The following SP3 variants were observed in gnomAD, a reference collection of about 807,000 sequenced individuals.
SP3 encodes the protein Sp3 transcription factor.
A neutral mutation model predicts 70.3 loss-of-function variants in SP3; 10 were observed. That is an observed-to-expected ratio of 0.14 (90% CI 0.09 to 0.24). The LOEUF (loss-of-function observed/expected upper bound fraction) is 0.24, where lower values mean the gene tolerates loss of function less well. SP3 is among the 10% of genes least tolerant of loss of function. The pLI, the probability that SP3 is intolerant of heterozygous loss-of-function variation, is 1.00. For synonymous variants in SP3, 402 were observed against 333.5 expected (o/e 1.21, Z -2.24); for missense variants, 825 against 914.6 (o/e 0.90, Z 1.26).
At position 173,903,887 on chromosome 2, in the gene SP3, G is replaced by A. The variant is rs1005322057; in HGVS notation, c.*6054C>T. The stretch of plus-strand genomic sequence containing the variant: ...TGCCTTGTCTAAACCTGACTCACTT[G>A]GCAGGCAATAAACGTGACTTTTTGT... On this transcript the variant is annotated 3_prime_UTR_variant, in exon 7 of 7. Transcript: ENST00000310015. 6.6e-5 allele frequency among the ~76,000 whole-genome samples: 10 copies of A among 151,958 alleles called. No homozygotes were observed. Among genetic ancestry groups the A allele is most frequent in the African/African-American group, 2.4e-4 (10 of 41,368 alleles).
intron 4 of SP3, among the ~76,000 whole-genome samples, chr2:173,927,137 C>T (rs1287342354): frequency 6.6e-6 from 1 of 152,138 alleles, no homozygotes; most frequent in Non-Finnish European, 1.5e-5. Context: ...ACCAAGACAA[C>T]ACCAAGGAGG....
chr2:173,965,453 G>C (rs1156267942), upstream of SP3: 1 of 411,642 alleles, frequency 2.4e-6, no homozygotes, highest in African/African-American at 2.1e-5. Flanking sequence ...ATTGGTCCAG[G>C]CGCCTGTCCG....
chr2:173,921,817 C>T (rs1689762244), intron 4 of SP3, among the ~76,000 whole-genome samples: 1 of 152,164 alleles, frequency 6.6e-6, no homozygotes, highest in African/African-American at 2.4e-5. Context: ...GGGCGGATTT[C>T]TCATAAATGG....
At chr2:173,963,493 C>G (rs1430857245) in intron 3 of SP3, 1 of 153,656 alleles carries the variant, frequency 6.5e-6, no homozygotes, top group Non-Finnish European at 1.4e-5. Context: ...CTCAAACATC[C>G]ATTTTGGAGT....
At chr2:173,937,796 G>T (rs1690248227) in intron 4 of SP3, among the ~76,000 whole-genome samples, 1 of 151,920 alleles carries the variant, frequency 6.6e-6, no homozygotes, top group African/African-American at 2.4e-5. Context: ...CAAACTCTGG[G>T]ACAATTCTAT....
At chr2:173,920,507 G>C (rs1689722443) in intron 4 of SP3, among the ~76,000 whole-genome samples, 1 of 152,128 alleles carries the variant, frequency 6.6e-6, no homozygotes, top group Admixed American at 6.5e-5. Context: ...TGTTGACATA[G>C]GGAAGGGTAT....
At chr2:173,923,069 T>G (rs1689803579) in intron 4 of SP3, among the ~76,000 whole-genome samples, 1 of 152,182 alleles carries the variant, frequency 6.6e-6, no homozygotes, top group South Asian at 2.1e-4. Flanking sequence ...AGGAAAAGTA[T>G]GCAAAAAATT....
rs62172766 is a variant in SP3, at chr2:173,905,692, T to C, written c.*4249A>G. 6.6e-6 allele frequency among the ~76,000 whole-genome samples: 1 copy of C among 151,586 alleles called. No homozygotes were observed. The highest frequency in any genetic ancestry group is 1.5e-5 in the Non-Finnish European group (1 of 67,922). Reference sequence around the variant, plus strand: ...GCCAACATGGGAAAAAAAAAAACCTTGTATACCCTTTAGACTCCAGATTTG... The same window carrying C: ...GCCAACATGGGAAAAAAAAAAACCTCGTATACCCTTTAGACTCCAGATTTG... On this transcript the variant is annotated 3_prime_UTR_variant, in exon 7 of 7. Coordinates refer to ENST00000310015, the MANE Select transcript of SP3 (RefSeq NM_003111.5).
intron 4 of SP3, among the ~76,000 whole-genome samples, chr2:173,943,146 G>A (rs958638775): frequency 6.6e-6 from 1 of 152,112 alleles, no homozygotes; most frequent in African/African-American, 2.4e-5. Context: ...ACCTGCTGGC[G>A]TGATCTTTTA....
rs780450896 is a variant in SP3, at chr2:173,954,999, C to A, written c.1513G>T (p.Ala505Ser). 2.2e-5 allele frequency: 35 copies of A among 1,614,146 alleles called. No individual in the cohort carries two copies. The highest frequency in any genetic ancestry group is 1.8e-4 in the East Asian group (8 of 44,884). Residue 505 changes from alanine to serine, a missense_variant, in exon 4 of 7, where the codon GCC becomes TCC. By Grantham distance (99) the Ala-to-Ser change is moderately conservative. Coordinates refer to ENST00000310015, the MANE Select transcript of SP3 (RefSeq NM_003111.5). ...LTLGQVAAGG[A>S]FTSTPVSLST... is the part of the protein sequence containing the mutation. The stretch of plus-strand genomic sequence containing the variant: ...AGACTAACTGGAGTTGAAGTGAAGG[C>A]TCCACCTGCCGCAACTTGACCAAGT...
Position 173,900,827 on chromosome 2 carries a change from T to C in SP3, c.*9114A>G, listed in dbSNP as rs1050145262. Among the ~76,000 whole-genome samples, 1 of 152,214 alleles carries C rather than the reference T, an allele frequency of 6.6e-6. No homozygotes were observed. Among genetic ancestry groups the C allele is most frequent in the Non-Finnish European group, 1.5e-5 (1 of 68,028 alleles). ...AAAAACCATTAAAGACTTGAATTAA[T>C]GGAGAGATACAGAATTATCATGGAT... is the stretch of plus-strand genomic sequence containing the variant. On this transcript the variant is annotated 3_prime_UTR_variant, in exon 7 of 7. Transcript: ENST00000310015.
chr2:173,911,224 T>G (rs72911135), intron 6 of SP3, among the ~76,000 whole-genome samples: 10,810 of 152,144 alleles, frequency 0.071, 576 homozygotes, highest in African/African-American at 0.14. Flanking sequence ...AAGATTATAT[T>G]AAGTGATATG....
intron 4 of SP3, among the ~76,000 whole-genome samples, chr2:173,933,093 G>A (rs1296068513): frequency 6.6e-6 from 1 of 152,126 alleles, no homozygotes; most frequent in Non-Finnish European, 1.5e-5. Context: ...ATGGAAAAAT[G>A]GGGTCAACAG....
chr2:173,947,664 G>A (rs551810873), intron 4 of SP3, among the ~76,000 whole-genome samples: 30 of 152,228 alleles, frequency 2.0e-4, no homozygotes, highest in African/African-American at 6.7e-4. Flanking sequence ...TCAACAGAAT[G>A]TTTTGTTTTC....
intron 4 of SP3, among the ~76,000 whole-genome samples, chr2:173,919,430 C>T (rs1383061872): frequency 6.6e-6 from 1 of 152,158 alleles, no homozygotes; most frequent in African/African-American, 2.4e-5. Context: ...GTACCAGGCA[C>T]TTAAGTTTAC....
rs1455326386 is a variant in SP3 at position 173,907,627 on chromosome 2, T to C, written c.*2314A>G. 2 of 152,114 alleles carry C rather than the reference T, an allele frequency of 1.3e-5. No homozygotes were observed. The highest frequency in any genetic ancestry group is 2.4e-5 in the African/African-American group (1 of 41,438). 9.4% of individuals were successfully genotyped at this position (152,114 alleles called of 1,614,324 possible). A position where few individuals can be genotyped will look rare whatever the true frequency, so the allele number is the denominator to read the frequency against. Reference sequence around the variant, plus strand: ...GTACACCATAAACTTACTGTAAAAATCCAGTATTACTTAAAACATCTCTAC... The same window carrying C: ...GTACACCATAAACTTACTGTAAAAACCCAGTATTACTTAAAACATCTCTAC... On this transcript the variant is annotated 3_prime_UTR_variant, in exon 7 of 7. Coordinates refer to ENST00000310015, the MANE Select transcript of SP3 (RefSeq NM_003111.5).
intron 4 of SP3, among the ~76,000 whole-genome samples, chr2:173,933,483 C>A (rs1690124085): frequency 6.6e-6 from 1 of 151,606 alleles, no homozygotes; most frequent in African/African-American, 2.4e-5. Flanking sequence ...GCTGATGCTG[C>A]TTTCCTGACT....
At chr2:173,964,757 C>T (rs1359115565) in intron 1 of SP3, 3 of 438,834 alleles carry the variant, frequency 6.8e-6, no homozygotes, top group East Asian at 3.7e-5. Context: ...CTGTAACCCT[C>T]CTCCTCCTCC....
At chr2:173,951,581 T>C (rs1690713737) in intron 4 of SP3, among the ~76,000 whole-genome samples, 1 of 152,214 alleles carries the variant, frequency 6.6e-6, no homozygotes, top group Non-Finnish European at 1.5e-5. Context: ...GCATTCAATC[T>C]CTTGCAATAT....
Sources: allele counts gnomAD v4.1 joint callset (sites outside exome capture counted in the v4.1 genomes callset), GRCh38; gene constraint gnomAD v4.1.1; transcripts MANE v1.5; gene names NCBI Gene and HGNC (gene_info 2026-07-23, HGNC 2026-07-21).